Variants in DTD1 observed in about 807,000 individuals in gnomAD.
DTD1 encodes the protein D-tyrosyl-tRNA deacylase 1 homolog.
Under a neutral mutation model 25.6 loss-of-function variants are expected in DTD1, and 13 were observed. That is an observed-to-expected ratio of 0.51 (90% CI 0.33 to 0.81). The LOEUF (loss-of-function observed/expected upper bound fraction) is 0.81, where lower values mean the gene tolerates loss of function less well. DTD1 is among the 30% of genes least tolerant of loss of function. DTD1 has a pLI of 0.02. For missense variants in DTD1, 193 were observed against 266.4 expected (o/e 0.72, Z 1.92); for synonymous variants, 110 against 103.6 (o/e 1.06, Z -0.37).
chr20:18,756,403 T>C (rs2122536932), intron 5 of DTD1, among the ~76,000 whole-genome samples: 1 of 152,326 alleles, frequency 6.6e-6, no homozygotes, highest in East Asian at 1.9e-4. Flanking sequence ...TATGGTTTTA[T>C]GGCTAACATT....
chr20:18,656,735 G>C (rs1224293623), intron 4 of DTD1, among the ~76,000 whole-genome samples: 1 of 152,186 alleles, frequency 6.6e-6, no homozygotes, highest in African/African-American at 2.4e-5. Flanking sequence ...TCGGAGGTTT[G>C]AAATCAAGCT....
intron 4 of DTD1, among the ~76,000 whole-genome samples, chr20:18,735,091 T>A (rs1171373076): frequency 6.6e-6 from 1 of 152,216 alleles, no homozygotes; most frequent in East Asian, 1.9e-4. Flanking sequence ...CATAAGACTT[T>A]TTTGGAATCT....
intron 4 of DTD1, among the ~76,000 whole-genome samples, chr20:18,637,693 G>C (rs1012614079): frequency 2.6e-5 from 4 of 152,200 alleles, no homozygotes; most frequent in African/African-American, 9.7e-5. Context: ...ATTCATGAAT[G>C]TGGAGGCTTC....
At chr20:18,725,292 G>A (rs1456183300) in intron 4 of DTD1, among the ~76,000 whole-genome samples, 1 of 152,210 alleles carries the variant, frequency 6.6e-6, no homozygotes, top group Non-Finnish European at 1.5e-5. Context: ...TAACTGGAGT[G>A]GCACACTGAT....
At chr20:18,632,318 G>A in intron 4 of DTD1, 1 of 985,406 alleles carries the variant, frequency 1.0e-6, no homozygotes, top group Non-Finnish European at 1.2e-6. Flanking sequence ...TCATTTACAT[G>A]GACCAGTTTC....
intron 5 of DTD1, among the ~76,000 whole-genome samples, chr20:18,763,141 T>G (rs2061369271): frequency 6.6e-6 from 1 of 151,896 alleles, no homozygotes; most frequent in African/African-American, 2.4e-5. Flanking sequence ...AAGAATGGAG[T>G]TTTAATGAAC....
At chr20:18,716,805 A>G (rs372398469) in intron 4 of DTD1, among the ~76,000 whole-genome samples, 3 of 152,342 alleles carry the variant, frequency 2.0e-5, no homozygotes, top group South Asian at 2.1e-4. Context: ...GGTAACATCA[A>G]TAGTCAATTA....
chr20:18,640,674 A>C (rs145628258), intron 4 of DTD1, among the ~76,000 whole-genome samples: 1 of 148,336 alleles, frequency 6.7e-6, no homozygotes, highest in African/African-American at 2.5e-5. Flanking sequence ...TCTGTCACCC[A>C]GGCTGGAGTA....
At chr20:18,647,937 GGT>G (rs1269377210) in intron 4 of DTD1, among the ~76,000 whole-genome samples, 1 of 152,122 alleles carries the variant, frequency 6.6e-6, no homozygotes, top group Non-Finnish European at 1.5e-5. Flanking sequence ...AGGGGAGAGT[GGT>G]GTCATCAACC....
intron 4 of DTD1, among the ~76,000 whole-genome samples, chr20:18,668,148 C>T (rs1055430967): frequency 6.6e-6 from 1 of 152,146 alleles, no homozygotes; most frequent in Admixed American, 6.5e-5. Context: ...ATATGTTTGT[C>T]CATGTGTTTA....
chr20:18,693,649 TC>T (rs11479896), intron 4 of DTD1, among the ~76,000 whole-genome samples: 150,371 of 150,508 alleles, frequency 1, 75,118 homozygotes, highest in Middle Eastern at 1. Flanking sequence ...AGAGCGAGAC[TC>T]CCATCTAAAA....
chr20:18,694,660 G>A (rs905931044), intron 4 of DTD1, among the ~76,000 whole-genome samples: 4 of 152,200 alleles, frequency 2.6e-5, no homozygotes, highest in Non-Finnish European at 4.4e-5. Flanking sequence ...CGGGCCTTCC[G>A]AAATGATTGC....
intron 4 of DTD1, among the ~76,000 whole-genome samples, chr20:18,726,776 C>T (rs1457069895): frequency 6.6e-6 from 1 of 152,212 alleles, no homozygotes. Context: ...ACTGCTCTTC[C>T]CCGTTATGGT....
At chr20:18,709,556 A>G (rs2061150184) in intron 4 of DTD1, among the ~76,000 whole-genome samples, 2 of 152,168 alleles carry the variant, frequency 1.3e-5, no homozygotes, top group African/African-American at 4.8e-5. Flanking sequence ...GTCTCACCAG[A>G]TGGTTGGGCA....
Position 18,612,242 on chromosome 20 carries a change from G to T in DTD1, c.371-15885G>T, listed in dbSNP as rs952720776. On this transcript the variant is annotated intron_variant, in intron 3 of 5. Coordinates refer to ENST00000377452, the MANE Select transcript of DTD1 (RefSeq NM_080820.6). ...GTAGAGACGGGGTTTCACCGTTTTA[G>T]CCGGGATGGTCTCAATCTCCTGACC... 2.3e-4 allele frequency among the ~76,000 whole-genome samples: 35 copies of T among 151,648 alleles called. 1 individual carries two copies. The highest frequency in any genetic ancestry group is 1.0e-4 in the Non-Finnish European group (7 of 67,930).
intron 4 of DTD1, among the ~76,000 whole-genome samples, chr20:18,711,836 G>C (rs1358252549): frequency 2.7e-5 from 4 of 149,154 alleles, no homozygotes; most frequent in African/African-American, 9.8e-5. Flanking sequence ...TTGGGGTCAG[G>C]AGTTTGAGAC....
Position 18,749,225 on chromosome 20 carries a change from G to T in DTD1, c.*19+4954G>T, listed in dbSNP as rs2061312545. On this transcript the variant is annotated intron_variant, in intron 5 of 5. Transcript: ENST00000377452. This position sits in a 1 kb window ranked among gnomAD's most constrained non-coding sequence, Gnocchi z 4.2. ...GGAAGCCGTGACAGGGATTCTGGAG[G>T]GAGAGCAGTGCAGGTGGCTCCAGGG... Among the ~76,000 whole-genome samples the T allele has an allele frequency of 6.6e-6, 1 of 152,188 alleles. No individual in the cohort carries two copies.
intron 4 of DTD1, among the ~76,000 whole-genome samples, chr20:18,711,433 T>C (rs774558451): frequency 6.6e-6 from 1 of 152,182 alleles, no homozygotes; most frequent in Non-Finnish European, 1.5e-5. Flanking sequence ...GGAGCTCCCA[T>C]GGGGCTTACC....
At chr20:18,647,128 G>A (rs1048366970) in intron 4 of DTD1, among the ~76,000 whole-genome samples, 9 of 152,162 alleles carry the variant, frequency 5.9e-5, no homozygotes, top group African/African-American at 2.2e-4. Flanking sequence ...TTTTCATCGC[G>A]AATATCTATT....
Sources: gnomAD v4.1 joint callset for allele counts (sites outside exome capture counted in the v4.1 genomes callset) on GRCh38, gnomAD v4.1.1 for gene constraint, Gnocchi (gnomAD v3.1) non-coding constraint, MANE v1.5 for transcripts, NCBI Gene and HGNC (gene_info 2026-07-23, HGNC 2026-07-21) for gene names.